Variants in TNRC6A observed in about 807,000 individuals in gnomAD.
The protein encoded by TNRC6A is trinucleotide repeat-containing gene 6A protein.
In TNRC6A, 44 loss-of-function variants were observed where a neutral mutation model predicts 221.2. The observed-to-expected ratio is 0.20, with a 90% CI of 0.16 to 0.26. The LOEUF (loss-of-function observed/expected upper bound fraction) is 0.26, where lower values mean the gene tolerates loss of function less well. Ranked by LOEUF, TNRC6A falls within the 10% of genes least tolerant of loss-of-function variation. The pLI is 1.00. For missense variants in TNRC6A, 2,199 were observed against 2,404.4 expected, an observed-to-expected ratio of 0.91 and a Z score of 1.79; for synonymous variants, 847 against 838.5, an observed-to-expected ratio of 1.01 and a Z score of -0.18.
intron 2 of TNRC6A, chr16:24,661,818 T>C (rs561249048): frequency 6.6e-6 from 1 of 152,334 alleles, no homozygotes; most frequent in Admixed American, 6.5e-5. Flanking sequence ...AAGTAATTAA[T>C]GCCCAGTGTG....
At chr16:24,758,896 T>G (rs1056510912) in intron 4 of TNRC6A, among the ~76,000 whole-genome samples, 1 of 151,432 alleles carries the variant, frequency 6.6e-6, no homozygotes, top group Admixed American at 6.6e-5. Context: ...GACATCGGAG[T>G]GATAAGGAAA....
At chr16:24,674,781 T>C (rs913294596) in intron 2 of TNRC6A, among the ~76,000 whole-genome samples, 3 of 151,426 alleles carry the variant, frequency 2.0e-5, no homozygotes, top group Non-Finnish European at 4.4e-5. Context: ...AAACTTTTCT[T>C]AAAGGGATCA....
chr16:24,760,904 C>T (rs1326228939), intron 4 of TNRC6A, among the ~76,000 whole-genome samples: 1 of 152,200 alleles, frequency 6.6e-6, no homozygotes, highest in Non-Finnish European at 1.5e-5. Flanking sequence ...TTTCCATTAA[C>T]GGCTTTCCAT....
rs71156440 is a variant in TNRC6A, at chr16:24,812,019, A to ATTTTTTTTTTTTTT, written c.4672+2572_4672+2585dup. On this transcript the variant is annotated intron_variant, in intron 18 of 24. Coordinates refer to ENST00000395799, the MANE Select transcript of TNRC6A (RefSeq NM_014494.4). The stretch of plus-strand genomic sequence containing the variant: ...CCGTTCAGGGGAATGTCACTTTGGG[A>ATTTTTTTTTTTTTT]TTTTTTTTTTTTTTTTTTTTTTTTT... Among the ~76,000 whole-genome samples the ATTTTTTTTTTTTTT allele has an allele frequency of 7.6e-4, 31 of 40,854 alleles. 7 individuals are homozygous for ATTTTTTTTTTTTTT. The highest frequency in any genetic ancestry group is 1.1e-3 in the Non-Finnish European group (25 of 23,660). 26.8% of individuals were successfully genotyped at this position (40,854 alleles called of 152,430 possible). A position where few individuals can be genotyped will look rare whatever the true frequency, so the allele number is the denominator to read the frequency against.
At chr16:24,821,636 A>G (rs562087460) in intron 22 of TNRC6A, among the ~76,000 whole-genome samples, 1 of 152,300 alleles carries the variant, frequency 6.6e-6, no homozygotes, top group Admixed American at 6.5e-5. Context: ...GAGCCCCTGC[A>G]GTAACCCCGG....
intron 11 of TNRC6A, chr16:24,803,437 A>G (rs948825530): frequency 6.6e-6 from 1 of 151,972 alleles, no homozygotes; most frequent in Non-Finnish European, 1.5e-5. Context: ...AAAGAAAAGA[A>G]AAAGCACTTA....
At chr16:24,655,402 T>G (rs2054889217) in intron 2 of TNRC6A, among the ~76,000 whole-genome samples, 1 of 152,010 alleles carries the variant, frequency 6.6e-6, no homozygotes, top group South Asian at 2.1e-4. Flanking sequence ...TTAAGAGTTA[T>G]TCCTGGCCAA....
chr16:24,776,250 A>T, intron 4 of TNRC6A: 2 of 984,096 alleles, frequency 2.0e-6, no homozygotes, highest in Non-Finnish European at 2.4e-6. Context: ...AAATTTCCCT[A>T]TTTGCAGTTT....
intron 16 of TNRC6A, 126 bp from the exon 17 acceptor site, chr16:24,806,448 C>T: frequency 7.4e-7 from 1 of 1,358,748 alleles, no homozygotes; most frequent in South Asian, 1.3e-5. Context: ...GTTATGTGAA[C>T]ATTATACAGT....
chr16:24,623,887 G>T lies in TNRC6A; in HGVS notation n.276+13403G>T, dbSNP rs372712137. Among the ~76,000 whole-genome samples the T allele has an allele frequency of 7.3e-4, 80 of 109,272 alleles. No homozygotes were observed. The East Asian group carries it at 0.021, about 29-fold the overall frequency. The allele number at this position is 109,272 out of a possible 152,430, so 71.7% of individuals were successfully genotyped here. A position where few individuals can be genotyped will look rare whatever the true frequency, so the allele number is the denominator to read the frequency against. On this transcript the variant is annotated intron_variant and non_coding_transcript_variant, in intron 1 of 2. Coordinates refer to the TNRC6A transcript ENST00000566108. Reference sequence around the variant, plus strand: ...ACTGCACTCCAGCATGGGTAAAGGAGCAAGACCCTGTCTCAAAAAAAAAAA... The same window carrying T: ...ACTGCACTCCAGCATGGGTAAAGGATCAAGACCCTGTCTCAAAAAAAAAAA...
chr16:24,783,386 C>A (rs2057895467), intron 5 of TNRC6A, among the ~76,000 whole-genome samples: 1 of 152,182 alleles, frequency 6.6e-6, no homozygotes, highest in Non-Finnish European at 1.5e-5. Context: ...ACCTCGGCCT[C>A]CCAAAGTGCT....
chr16:24,640,824 G>A (rs1336222455), intron 1 of TNRC6A: 1 of 152,210 alleles, frequency 6.6e-6, no homozygotes, highest in African/African-American at 2.4e-5. Flanking sequence ...TTGTGTCTGG[G>A]AGGGGAATGA....
intron 1 of TNRC6A, among the ~76,000 whole-genome samples, chr16:24,626,125 ACATT>A (rs1900974983): frequency 1.5e-5 from 2 of 132,888 alleles, no homozygotes; most frequent in African/African-American, 2.8e-5. Flanking sequence ...AGCATAGCAC[ACATT>A]CAGTTTTTTT....
At chr16:24,813,904 G>A (rs2058599158) in intron 18 of TNRC6A, among the ~76,000 whole-genome samples, 1 of 152,108 alleles carries the variant, frequency 6.6e-6, no homozygotes, top group East Asian at 1.9e-4. Flanking sequence ...ATCATCTCAG[G>A]TGTAAGAATT....
chr16:24,661,879 A>G (rs894309884), intron 2 of TNRC6A: 3 of 152,198 alleles, frequency 2.0e-5, no homozygotes, highest in Non-Finnish European at 2.9e-5. Context: ...TAGAGTTTTT[A>G]ACTGATACAG....
intron 4 of TNRC6A, among the ~76,000 whole-genome samples, chr16:24,764,527 T>G (rs2057431349): frequency 6.6e-6 from 1 of 152,092 alleles, no homozygotes; most frequent in East Asian, 1.9e-4. Flanking sequence ...TTCACCATGT[T>G]GTCCAGGCTG....
intron 4 of TNRC6A, among the ~76,000 whole-genome samples, chr16:24,772,679 A>G (rs926856189): frequency 6.6e-6 from 1 of 152,064 alleles, no homozygotes; most frequent in African/African-American, 2.4e-5. Context: ...GCTTCTCCTC[A>G]GGCTGAGGCA....
At chr16:24,728,831 G>A (rs2056539373), upstream of TNRC6A, among the ~76,000 whole-genome samples, 3 of 152,140 alleles carry the variant, frequency 2.0e-5, no homozygotes, top group South Asian at 6.2e-4. Flanking sequence ...ACACTAAGAT[G>A]TTTCTTACTG....
At chr16:24,674,051 T>C (rs1021339206) in intron 2 of TNRC6A, among the ~76,000 whole-genome samples, 7 of 152,076 alleles carry the variant, frequency 4.6e-5, no homozygotes, top group African/African-American at 1.7e-4. Flanking sequence ...TGGGAACCAT[T>C]GTCTCTAATC....
Sources: allele counts gnomAD v4.1 joint callset (sites outside exome capture counted in the v4.1 genomes callset), GRCh38; gene constraint gnomAD v4.1.1; transcripts MANE v1.5; gene names NCBI Gene and HGNC (gene_info 2026-07-23, HGNC 2026-07-21).